Variants in MCTP2 observed in about 807,000 individuals in gnomAD.
MCTP2 encodes multiple C2 and transmembrane domain-containing protein 2.
MCTP2 carries 132 observed loss-of-function variants against 111.6 expected under a neutral mutation model. That is an observed-to-expected ratio of 1.18 (90% CI 1.03 to 1.37). The LOEUF (loss-of-function observed/expected upper bound fraction) is 1.37, where lower values mean the gene tolerates loss of function less well. Ranked by LOEUF, MCTP2 falls within the 40% of genes most tolerant of loss-of-function variation. MCTP2 has a pLI of 0.00. For synonymous variants in MCTP2, 395 were observed against 387.7 expected, an observed-to-expected ratio of 1.02 and a Z score of -0.22; for missense variants, 1,183 against 1,067.9, an observed-to-expected ratio of 1.11 and a Z score of -1.50.
At chr15:94,328,043 T>C (rs2076958271) in intron 4 of MCTP2, among the ~76,000 whole-genome samples, 1 of 152,200 alleles carries the variant, frequency 6.6e-6, no homozygotes, top group African/African-American at 2.4e-5. Flanking sequence ...CAAACATCAT[T>C]GGCTTGAATT....
intron 17 of MCTP2, among the ~76,000 whole-genome samples, chr15:94,423,351 G>C (rs924496223): frequency 1.3e-5 from 2 of 152,090 alleles, no homozygotes; most frequent in Non-Finnish European, 2.9e-5. Context: ...CAGCTAGTAC[G>C]GTAGAGCCAT....
intron 21 of MCTP2, among the ~76,000 whole-genome samples, chr15:94,475,102 T>TTGCC (rs2074248484): frequency 6.6e-6 from 1 of 152,238 alleles, no homozygotes; most frequent in Non-Finnish European, 1.5e-5. Context: ...CTTCATCATT[T>TTGCC]TGCCTTGTCT....
At chr15:94,294,554 C>G (rs1223141598) in intron 1 of MCTP2, among the ~76,000 whole-genome samples, 8 of 152,202 alleles carry the variant, frequency 5.3e-5, no homozygotes, top group Admixed American at 1.3e-4. Flanking sequence ...TGGCACAGGA[C>G]AGTGTAGTGC....
At chr15:94,402,139 T>G in intron 17 of MCTP2, 120 bp downstream of exon 17, 6 of 1,380,274 alleles carry the variant, frequency 4.3e-6, no homozygotes, top group Non-Finnish European at 4.8e-6. Context: ...AGTACTTAGG[T>G]CAAATTTACC....
intron 19 of MCTP2, among the ~76,000 whole-genome samples, chr15:94,446,234 G>A (rs1319293799): frequency 1.3e-5 from 2 of 152,186 alleles, no homozygotes; most frequent in East Asian, 1.9e-4. Flanking sequence ...GAGATGAAAT[G>A]TACAAGCTAA....
intron 1 of MCTP2, among the ~76,000 whole-genome samples, chr15:94,285,138 A>G (rs2074690951): frequency 6.6e-6 from 1 of 152,212 alleles, no homozygotes; most frequent in African/African-American, 2.4e-5. Flanking sequence ...GAACCCAGGC[A>G]TAAACTTCCA....
intron 16 of MCTP2, among the ~76,000 whole-genome samples, chr15:94,400,758 C>T (rs530296996): frequency 1.3e-5 from 2 of 152,150 alleles, no homozygotes; most frequent in East Asian, 3.9e-4. Flanking sequence ...TTTATTACTT[C>T]CACCACTTCC....
At chr15:94,353,928 CT>C (rs2078456899) in intron 8 of MCTP2, among the ~76,000 whole-genome samples, 1 of 151,876 alleles carries the variant, frequency 6.6e-6, no homozygotes, top group Non-Finnish European at 1.5e-5. Flanking sequence ...GTGATGGTGT[CT>C]GTTTATGACC....
intron 17 of MCTP2, chr15:94,403,182 C>G (rs1567636456): frequency 1.0e-6 from 1 of 985,262 alleles, no homozygotes; most frequent in Non-Finnish European, 1.2e-6. Flanking sequence ...TAGGCTTGAC[C>G]TTTCCTATAC....
chr15:94,310,923 C>G (rs1168996767), intron 2 of MCTP2, among the ~76,000 whole-genome samples: 5 of 151,080 alleles, frequency 3.3e-5, no homozygotes, highest in Non-Finnish European at 7.4e-5. Context: ...GCCTGGGTGA[C>G]AGAGGGAGAC....
chr15:94,283,454 C>T (rs1331816464), intron 1 of MCTP2, among the ~76,000 whole-genome samples: 1 of 152,168 alleles, frequency 6.6e-6, no homozygotes, highest in South Asian at 2.1e-4. Flanking sequence ...TGCTAACTAT[C>T]TGGGAAGATC....
At position 94,314,308 on chromosome 15, in the gene MCTP2, T is replaced by TCA. The variant is rs1378354139; in HGVS notation, c.492_493insCA (p.Ala165GlnfsTer4). The TCA allele has an allele frequency of 6.2e-7, 1 of 1,610,386 alleles. No individual in the cohort carries two copies. The highest frequency in any genetic ancestry group is 1.1e-5 in the South Asian group (1 of 90,440). On this transcript the variant is annotated frameshift_variant, in exon 3 of 23. Coordinates refer to ENST00000357742, the MANE Select transcript of MCTP2 (RefSeq NM_001385001.1). LOFTEE classifies it high-confidence loss of function. ...AGCTATGTGGAAGCAGTGACCTGAA[T>TCA]GCTTCTATGACATCTCAACATTTTG...
At chr15:94,340,009 T>C (rs1018915387) in intron 5 of MCTP2, among the ~76,000 whole-genome samples, 190 bp from the exon 6 acceptor site, 1 of 152,212 alleles carries the variant, frequency 6.6e-6, no homozygotes, top group African/African-American at 2.4e-5. Context: ...GTAGGCAAAA[T>C]GGGCAAGATT....
chr15:94,325,642 C>T (rs2076828340), intron 4 of MCTP2, among the ~76,000 whole-genome samples: 1 of 149,976 alleles, frequency 6.7e-6, no homozygotes. Flanking sequence ...ATGAGAGACT[C>T]TTTTAAAAGG....
intron 10 of MCTP2, among the ~76,000 whole-genome samples, chr15:94,362,388 T>C (rs990148523): frequency 6.6e-6 from 1 of 152,172 alleles, no homozygotes; most frequent in African/African-American, 2.4e-5. Flanking sequence ...TAGACTTAAT[T>C]TAGTTTGGAA....
intron 2 of MCTP2, among the ~76,000 whole-genome samples, chr15:94,302,827 C>G (rs1444307866): frequency 6.6e-6 from 1 of 151,992 alleles, no homozygotes; most frequent in Non-Finnish European, 1.5e-5. Flanking sequence ...TCTTACCTAT[C>G]ATATTAGTCC....
chr15:94,302,881 AAAAG>A (rs2075690109), intron 2 of MCTP2, among the ~76,000 whole-genome samples: 1 of 151,920 alleles, frequency 6.6e-6, no homozygotes, highest in African/African-American at 2.4e-5. Context: ...GGCAAATTAC[AAAAG>A]AAAGACGTTT....
intron 2 of MCTP2, among the ~76,000 whole-genome samples, chr15:94,304,441 C>CA (rs749322747): frequency 7.9e-5 from 12 of 151,826 alleles, no homozygotes; most frequent in East Asian, 3.9e-4. Flanking sequence ...GATTCCATCT[C>CA]AAAAAAAATA....
chr15:94,299,611 A>G (rs7175104), intron 2 of MCTP2, among the ~76,000 whole-genome samples: 101,332 of 152,084 alleles, frequency 0.67, 33,758 homozygotes, highest in East Asian at 0.72. Context: ...CAGGTTACCA[A>G]ATCATGATTT....
Sources: gnomAD v4.1 joint callset for allele counts (sites outside exome capture counted in the v4.1 genomes callset) on GRCh38, gnomAD v4.1.1 for gene constraint, MANE v1.5 for transcripts, NCBI Gene and HGNC (gene_info 2026-07-23, HGNC 2026-07-21) for gene names.